MYO5C: variants seen among roughly 807,000 people sequenced by gnomAD.
MYO5C encodes unconventional myosin-Vc.
In MYO5C, 194 loss-of-function variants were observed where a neutral mutation model predicts 235.7. The observed-to-expected ratio is 0.82, with a 90% CI of 0.73 to 0.93. MYO5C has a LOEUF of 0.93. Ranked by LOEUF, MYO5C falls within the 40% of genes least tolerant of loss-of-function variation. MYO5C has a pLI of 0.00. For synonymous variants in MYO5C, 707 were observed against 754.8 expected, an observed-to-expected ratio of 0.94 and a Z score of 1.04; for missense variants, 2,038 against 2,127.2, an observed-to-expected ratio of 0.96 and a Z score of 0.82.
chr15:52,215,058 A>T (rs1379228976), intron 32 of MYO5C, among the ~76,000 whole-genome samples: 1 of 152,218 alleles, frequency 6.6e-6, no homozygotes, highest in African/African-American at 2.4e-5. Flanking sequence ...TCTTTCACTT[A>T]GCATAAGGTT....
At chr15:52,255,610 C>A (rs2036563061) in intron 11 of MYO5C, among the ~76,000 whole-genome samples, 1 of 152,138 alleles carries the variant, frequency 6.6e-6, no homozygotes, top group Non-Finnish European at 1.5e-5. Context: ...CTTTTAATTT[C>A]ATTGACTTCT....
intron 38 of MYO5C, among the ~76,000 whole-genome samples, chr15:52,202,201 AC>A (rs1433195976): frequency 6.6e-6 from 1 of 152,054 alleles, no homozygotes; most frequent in Non-Finnish European, 1.5e-5. Context: ...ACATGGTGAA[AC>A]CCCGTCTCTA....
Position 52,269,779 on chromosome 15 carries a change from T to G in MYO5C, c.914A>C (p.Glu305Ala). Residue 305 changes from glutamate (E) to alanine (A), a missense_variant, in exon 8 of 41, where the codon GAG (glutamate) becomes GCG (alanine). Physicochemically the swap from Glu to Ala is moderately radical, Grantham distance 107. Transcript: ENST00000261839. The stretch of plus-strand genomic sequence containing the variant: ...CAGAAGCGTGAAGGTCTTTTGAGTC[T>G]CTACCATTTCAGCTCGATCATTCAC... ...EGVNDRAEMV[E>A]TQKTFTLLGF... The G allele has an allele frequency of 6.2e-7, 1 of 1,613,160 alleles. No homozygotes were observed. The highest frequency in any genetic ancestry group is 2.2e-5 in the East Asian group (1 of 44,878).
intron 35 of MYO5C, among the ~76,000 whole-genome samples, chr15:52,208,856 A>G (rs2035382405): frequency 6.6e-6 from 1 of 152,222 alleles, no homozygotes; most frequent in Admixed American, 6.5e-5. Flanking sequence ...GTCACTCATT[A>G]TGAAGTGTGA....
rs1476368766 is a variant in MYO5C at position 52,264,332 on chromosome 15, A to G, written c.941-36T>C. On this transcript the variant is annotated intron_variant, in intron 8 of 40. Coordinates refer to ENST00000261839, the MANE Select transcript of MYO5C (RefSeq NM_018728.4). ...ACATTTTCCCAGATTAGAATACTGC[A>G]TCTCTTCTCTGACTAGTAAGATGGG... The G allele has an allele frequency of 3.3e-6, 5 of 1,499,050 alleles. No individual in the cohort carries two copies. The South Asian group carries it at 4.6e-5, about 14-fold the overall frequency. 92.9% of individuals were successfully genotyped at this position (1,499,050 alleles called of 1,614,324 possible). A position where few individuals can be genotyped will look rare whatever the true frequency, so the allele number is the denominator to read the frequency against.
rs1441128662 is a variant in MYO5C, at chr15:52,225,012, C to CATA, written c.3366-32_3366-31insTAT. The CATA allele has an allele frequency of 2.5e-6, 4 of 1,613,136 alleles. No individual in the cohort carries two copies. The African/African-American group carries it at 5.3e-5, about 22-fold the overall frequency. ...AAATAAGGAAGATAAGAAAATCTAT[C>CATA]ATCTCTGTCACGTTTTACATGTTTA... On this transcript the variant is annotated intron_variant, in intron 27 of 40. Coordinates refer to ENST00000261839, the MANE Select transcript of MYO5C (RefSeq NM_018728.4).
chr15:52,197,536 G>T (rs189913480), intron 38 of MYO5C, among the ~76,000 whole-genome samples: 5 of 152,282 alleles, frequency 3.3e-5, no homozygotes, highest in African/African-American at 9.6e-5. Flanking sequence ...ATAAGGTTTC[G>T]TTCTGGAGGG....
chr15:52,238,408 A>G (rs1195986848), intron 21 of MYO5C, among the ~76,000 whole-genome samples: 1 of 152,208 alleles, frequency 6.6e-6, no homozygotes, highest in Admixed American at 6.5e-5. Flanking sequence ...TTGTTACACA[A>G]CAGCACAATG....
rs751739750 is a variant in MYO5C at position 52,208,561 on chromosome 15, C to T, written c.4379G>A (p.Gly1460Glu). Residue 1460 changes from glycine to glutamate, a missense_variant, in exon 36 of 41, where the codon GGA becomes GAA. Physicochemically the swap from Gly to Glu is moderately conservative, Grantham distance 98 (BLOSUM62 -2). Transcript: ENST00000261839. ...CAGGTGGGCGCCCCCTACCTCTTCT[C>T]CGCTGTACTGCTTCAGGCAATTGAG... ...HFLNCLKQYS[G>E]EEEFMKHNSP... 2 of 1,614,066 alleles carry T rather than the reference C, an allele frequency of 1.2e-6. No homozygotes were observed. Among genetic ancestry groups the T allele is most frequent in the Non-Finnish European group, 1.7e-6 (2 of 1,179,980 alleles).
intron 1 of MYO5C, among the ~76,000 whole-genome samples, chr15:52,288,066 T>TG (rs1333395648): frequency 1.3e-5 from 2 of 152,132 alleles, no homozygotes; most frequent in African/African-American, 4.8e-5. Flanking sequence ...CTGAGAGCCC[T>TG]GGGGGCCTTC....
chr15:52,279,065 C>A (rs1448979886), intron 3 of MYO5C, 48 bp from the exon 4 acceptor site: 3 of 1,546,568 alleles, frequency 1.9e-6, no homozygotes, highest in Non-Finnish European at 2.6e-6. Flanking sequence ...CTGCCACCTG[C>A]ATCTCCAGTT....
At chr15:52,248,118 C>G (rs2036392334) in intron 14 of MYO5C, among the ~76,000 whole-genome samples, 1 of 152,178 alleles carries the variant, frequency 6.6e-6, no homozygotes, top group Non-Finnish European at 1.5e-5. Context: ...CTTATCTTCT[C>G]TCAGAGTGAA....
chr15:52,213,038 A>C (rs927485750), intron 34 of MYO5C, 150 bp downstream of exon 34: 2 of 608,494 alleles, frequency 3.3e-6, no homozygotes, highest in African/African-American at 3.7e-5. Context: ...TAACAGGTCA[A>C]CAGTGCTGAG....
At chr15:52,232,753 T>G (rs1427292935) in intron 23 of MYO5C, 68 bp from the exon 24 acceptor site, 5 of 1,365,866 alleles carry the variant, frequency 3.7e-6, no homozygotes, top group Non-Finnish European at 5.2e-6. Context: ...CATGTTATGT[T>G]TAAGAAAGTG....
At chr15:52,228,713 CTG>C (rs1366575846) in intron 25 of MYO5C, among the ~76,000 whole-genome samples, 2 of 152,184 alleles carry the variant, frequency 1.3e-5, no homozygotes, top group African/African-American at 2.4e-5. Flanking sequence ...ATTCACCACA[CTG>C]TGCATTGGAT....
At chr15:52,218,067 G>A (rs1755680637) in intron 32 of MYO5C, among the ~76,000 whole-genome samples, 2 of 152,208 alleles carry the variant, frequency 1.3e-5, no homozygotes, top group South Asian at 4.1e-4. Context: ...AAGTTTTTAA[G>A]CCTTCCATCG....
At chr15:52,245,874 A>C (rs1268841871) in intron 17 of MYO5C, 82 bp downstream of exon 17, 13 of 1,324,414 alleles carry the variant, frequency 9.8e-6, no homozygotes. Flanking sequence ...TGTGACAAAA[A>C]TCATGGCAGC....
At chr15:52,258,747 C>T (rs1303730635) in intron 10 of MYO5C, among the ~76,000 whole-genome samples, 2 of 152,218 alleles carry the variant, frequency 1.3e-5, no homozygotes, top group Non-Finnish European at 2.9e-5. Flanking sequence ...AGGGTGGCAG[C>T]AAACAGGCTA....
intron 1 of MYO5C, among the ~76,000 whole-genome samples, chr15:52,294,770 A>T (rs5002319): frequency 6.6e-6 from 1 of 151,908 alleles, no homozygotes; most frequent in African/African-American, 2.4e-5. Flanking sequence ...AGGGTTTGGG[A>T]CATATGTGGG....
Sources: gnomAD v4.1 joint callset for allele counts (sites outside exome capture counted in the v4.1 genomes callset) on GRCh38, gnomAD v4.1.1 for gene constraint, MANE v1.5 for transcripts, NCBI Gene and HGNC (gene_info 2026-07-23, HGNC 2026-07-21) for gene names.